The following NOC4L variants were observed in gnomAD, a reference collection of about 807,000 sequenced individuals.
NOC4L encodes nucleolar complex associated 4 homolog, also known as nucleolar complex protein 4 homolog.
NOC4L carries 40 observed loss-of-function variants against 62.8 expected under a neutral mutation model. That is an observed-to-expected ratio of 0.64 (90% CI 0.49 to 0.83). NOC4L has a LOEUF of 0.83. Ranked by LOEUF, NOC4L falls within the 40% of genes least tolerant of loss-of-function variation. The probability of loss-of-function intolerance (pLI) is 0.00; values close to 1 mark genes in which losing one functional copy is unlikely to be tolerated. For missense variants in NOC4L, 927 were observed against 701.9 expected, an observed-to-expected ratio of 1.32 and a Z score of -3.62; for synonymous variants, 433 against 299.8, an observed-to-expected ratio of 1.44 and a Z score of -4.59.
At position 132,152,380 on chromosome 12, in the gene NOC4L, C is replaced by A; in HGVS notation, c.1530C>A (p.Ala510=). ...TGGGACGGCCGGGTGAACTCTGTGCCCAGCACTTCACGCTCAGCTGACCCT... is the reference window on the plus strand; with the variant it reads ...TGGGACGGCCGGGTGAACTCTGTGCACAGCACTTCACGCTCAGCTGACCCT... ...GLLGRPGELC[A]QHFTLS The change falls in exon 15 of 15, where the codon GCC becomes GCA. Residue 510 remains alanine, a synonymous_variant. Transcript: ENST00000330579. The A allele has an allele frequency of 6.3e-7, 1 of 1,580,346 alleles. No individual in the cohort carries two copies. Among genetic ancestry groups the A allele is most frequent in the Non-Finnish European group, 8.6e-7 (1 of 1,162,062 alleles).
chr12:132,148,479 G>A, intron 7 of NOC4L, 130 bp from the exon 8 acceptor site: 1 of 997,944 alleles, frequency 1.0e-6, no homozygotes, highest in East Asian at 2.6e-5. Context: ...CAGGAAGAAG[G>A]AAGGCAGGGT....
Position 132,148,766 on chromosome 12 carries a change from C to G in NOC4L, c.790-18C>G. The G allele has an allele frequency of 5.4e-6, 8 of 1,477,976 alleles. No individual in the cohort carries two copies. Among genetic ancestry groups the G allele is most frequent in the Non-Finnish European group, 7.3e-6 (8 of 1,094,424 alleles). 91.6% of individuals were successfully genotyped at this position (1,477,976 alleles called of 1,614,324 possible). ...CCGCCCACCCGCCCCTCACCCCCACCTGCCGGCCCCCGCCCAGCTGCCCCT... is the reference window on the plus strand; with the variant it reads ...CCGCCCACCCGCCCCTCACCCCCACGTGCCGGCCCCCGCCCAGCTGCCCCT... On this transcript the variant is annotated intron_variant, in intron 8 of 14. Transcript: ENST00000330579.
In NOC4L at chr12:132,152,462, T is replaced by C; in HGVS notation, c.*61T>C. 1 of 1,503,026 alleles carries C rather than the reference T, an allele frequency of 6.7e-7. No homozygotes were observed. Among genetic ancestry groups the C allele is most frequent in the South Asian group, 1.3e-5 (1 of 78,772 alleles). 93.1% of individuals were successfully genotyped at this position (1,503,026 alleles called of 1,614,324 possible). On this transcript the variant is annotated 3_prime_UTR_variant, in exon 15 of 15. Coordinates refer to ENST00000330579, the MANE Select transcript of NOC4L (RefSeq NM_024078.3). ...CAGCCCACCTGTGAATAAATGTTTT[T>C]GCAGGAGAAAGGCTCAGGGAGTGTG...
intron 3 of NOC4L, among the ~76,000 whole-genome samples, chr12:132,145,987 G>A (rs566095683): frequency 1.3e-5 from 2 of 152,324 alleles, no homozygotes; most frequent in South Asian, 4.1e-4. Context: ...CCATGGGAAT[G>A]CATTATGAGC....
Position 132,152,164 on chromosome 12 carries a change from C to T in NOC4L, c.1398C>T (p.Ser466=). 1.2e-6 allele frequency: 2 copies of T among 1,612,276 alleles called. No homozygotes were observed. The highest frequency in any genetic ancestry group is 1.7e-6 in the Non-Finnish European group (2 of 1,179,858). Residue 466 remains serine, a synonymous_variant, in exon 14 of 15, where the codon AGC becomes AGT. Transcript: ENST00000330579. The part of the protein sequence containing the change: ...INQALSMPEV[S]IAPLLELTAY... ...AGGCCCTGTCCATGCCTGAGGTCAG[C>T]ATCGCGCCACTGCTGGAGCTCACGG...
At position 132,151,283 on chromosome 12, in the gene NOC4L, C is replaced by T. The variant is rs1010061651; in HGVS notation, c.988C>T (p.Leu330Phe). 3.7e-6 allele frequency: 6 copies of T among 1,611,808 alleles called. No homozygotes were observed. Among genetic ancestry groups the T allele is most frequent in the South Asian group, 1.1e-5 (1 of 91,088 alleles). Residue 330 changes from leucine to phenylalanine, a missense_variant, in exon 11 of 15, where the codon CTC (leucine) becomes TTC (phenylalanine). Physicochemically the swap from Leu to Phe is conservative, Grantham distance 22. Transcript: ENST00000330579. ...NLEYPDFYRK[L>F]YGLLDPSVFH... The stretch of plus-strand genomic sequence containing the variant: ...GGAGTACCCTGACTTCTACCGGAAG[C>T]TCTACGGCCTCTTGGACCCCTCTGT...
At chr12:132,150,923 A>G in intron 9 of NOC4L, 58 bp from the exon 10 acceptor site, 1 of 1,265,230 alleles carries the variant, frequency 7.9e-7, no homozygotes, top group Non-Finnish European at 1.1e-6. Flanking sequence ...CAGTGTGGGC[A>G]GGGGGTAGGG....
rs1244075071 is a variant in NOC4L, at chr12:132,151,631, T to C, written c.1221T>C (p.Arg407=). The change falls in exon 12 of 15, where the codon CGT becomes CGC. Residue 407 remains arginine, a synonymous_variant. Transcript: ENST00000330579. ...RHPACRVLVH[R]PHGPELDADP... The stretch of plus-strand genomic sequence containing the variant: ...CTGCCTGCCGGGTCCTCGTGCACCG[T>C]CCACACGGCCCTGGTGAGTTGCGGG... 16 of 1,611,648 alleles carry C rather than the reference T, an allele frequency of 9.9e-6. No individual in the cohort carries two copies. The highest frequency in any genetic ancestry group is 1.1e-5 in the Non-Finnish European group (13 of 1,179,530).
chr12:132,147,428 C>T (rs1897766369), intron 4 of NOC4L, 40 bp downstream of exon 4: 4 of 1,534,030 alleles, frequency 2.6e-6, no homozygotes, highest in Admixed American at 2.0e-5. Context: ...GCCTGGCTGG[C>T]TGGCCAGATC....
In NOC4L at chr12:132,148,651, A is replaced by G. The variant is rs1274788171; in HGVS notation, c.781A>G (p.Lys261Glu). ...VFQAMWLSFL[K>E]HKLPLSLYKK... Reference sequence around the variant, plus strand: ...CCAGGCCATGTGGCTCAGCTTCCTCAAGCACAAGGTAGGGGCCAGGCCGGG... The same window carrying G: ...CCAGGCCATGTGGCTCAGCTTCCTCGAGCACAAGGTAGGGGCCAGGCCGGG... The change falls in exon 8 of 15, where the codon AAG (lysine) becomes GAG (glutamate). Residue 261 changes from lysine (K) to glutamate (E), a missense_variant. Coordinates refer to ENST00000330579, the MANE Select transcript of NOC4L (RefSeq NM_024078.3). The G allele has an allele frequency of 1.9e-5, 29 of 1,543,812 alleles. No homozygotes were observed. Among genetic ancestry groups the G allele is most frequent in the Non-Finnish European group, 2.0e-5 (23 of 1,142,200 alleles).
intron 3 of NOC4L, chr12:132,146,402 G>C (rs189456824): frequency 2.2e-6 from 1 of 450,200 alleles, no homozygotes; most frequent in Non-Finnish European, 4.5e-6. Context: ...TCCACCTTTG[G>C]CTGTTACGAA....
At position 132,151,024 on chromosome 12, in the gene NOC4L, G is replaced by A; in HGVS notation, c.945G>A (p.Leu315=). Residue 315 remains leucine, a synonymous_variant, in exon 10 of 15, where the codon TTG becomes TTA. Transcript: ENST00000330579. ...TGGCCTTGAACGGGCTGTTCATCTT[G>A]ATTCACAAACACAACCTGTGAGTGT... ...SLLALNGLFI[L]IHKHNLEYPD... The A allele has an allele frequency of 6.2e-7, 1 of 1,611,418 alleles. No homozygotes were observed. The highest frequency in any genetic ancestry group is 8.5e-7 in the Non-Finnish European group (1 of 1,179,238).
At chr12:132,148,732 C>CCCCCCCGGGGGGGGGGGGGGG in intron 8 of NOC4L, 52 bp from the exon 9 acceptor site, 2 of 1,305,536 alleles carry the variant, frequency 1.5e-6, no homozygotes, top group Non-Finnish European at 2.0e-6. Flanking sequence ...CACCCCGACC[C>CCCCCCCGGGGGGGGGGGGGGG]GCCGGCCCCC....
chr12:132,146,166 T>C, intron 3 of NOC4L: 1 of 445,720 alleles, frequency 2.2e-6, no homozygotes, highest in South Asian at 1.6e-5. Flanking sequence ...TCCCGCCCCT[T>C]TCCACCCCCA....
rs765391485 is a variant in NOC4L, at chr12:132,152,439, G to T, written c.*38G>T. ...TGTGAATAAATCTCAGCTGACCCCA[G>T]CCCACCTGTGAATAAATGTTTTTGC... On this transcript the variant is annotated 3_prime_UTR_variant, in exon 15 of 15. Coordinates refer to ENST00000330579, the MANE Select transcript of NOC4L (RefSeq NM_024078.3). 2 of 1,540,450 alleles carry T rather than the reference G, an allele frequency of 1.3e-6. No individual in the cohort carries two copies. The highest frequency in any genetic ancestry group is 1.9e-5 in the Admixed American group (1 of 53,818).
chr12:132,151,021 C>G lies in NOC4L; in HGVS notation c.942C>G (p.Ile314Met), dbSNP rs377059700. 3.7e-6 allele frequency: 6 copies of G among 1,611,290 alleles called. No homozygotes were observed. In the African/African-American group the frequency reaches 5.3e-5, roughly 14 times the overall value. The change falls in exon 10 of 15, where the codon ATC becomes ATG. Residue 314 changes from isoleucine to methionine, a missense_variant. Physicochemically the swap from Ile to Met is conservative, Grantham distance 10 (BLOSUM62 1). Coordinates refer to ENST00000330579, the MANE Select transcript of NOC4L (RefSeq NM_024078.3). The stretch of plus-strand genomic sequence containing the variant: ...TCTTGGCCTTGAACGGGCTGTTCAT[C>G]TTGATTCACAAACACAACCTGTGAG... ...LSLLALNGLF[I>M]LIHKHNLEYP...
intron 3 of NOC4L, chr12:132,146,198 A>G (rs575253414): frequency 2.3e-4 from 104 of 453,306 alleles, no homozygotes; most frequent in Non-Finnish European, 3.5e-4. Context: ...CCACTCCTGG[A>G]TCAGTGGTTA....
Position 132,147,997 on chromosome 12 carries a change from CA to C in NOC4L, c.703+19del, listed in dbSNP as rs768440962. ...GCGGGCGGGTGAGTGTGCTGAGAGT[CA>C]GGGGCGGACAGGGCTGAGCCTTGGT... On this transcript the variant is annotated intron_variant, in intron 6 of 14. Transcript: ENST00000330579. 3.7e-6 allele frequency: 6 copies of C among 1,612,268 alleles called. No homozygotes were observed. Among genetic ancestry groups the C allele is most frequent in the South Asian group, 1.1e-5 (1 of 90,892 alleles).
intron 3 of NOC4L, among the ~76,000 whole-genome samples, chr12:132,146,029 G>A (rs1356344591): frequency 6.6e-6 from 1 of 152,196 alleles, no homozygotes; most frequent in African/African-American, 2.4e-5. Context: ...GAATAACTGA[G>A]GCACAGTTTA....
Sources: allele counts gnomAD v4.1 joint callset (sites outside exome capture counted in the v4.1 genomes callset), GRCh38; gene constraint gnomAD v4.1.1; transcripts MANE v1.5; gene names NCBI Gene and HGNC (gene_info 2026-07-23, HGNC 2026-07-21).